Variants in NOD1 observed in about 807,000 individuals in gnomAD.
NOD1 encodes the protein nucleotide-binding oligomerization domain-containing protein 1.
In NOD1, 70 loss-of-function variants were observed where a neutral mutation model predicts 81.2. That is an observed-to-expected ratio of 0.86 (90% CI 0.71 to 1.05). The LOEUF (loss-of-function observed/expected upper bound fraction) is 1.05, where lower values mean the gene tolerates loss of function less well. Among genes scored for constraint, NOD1 ranks in the 50% least tolerant of loss-of-function variants. The pLI, the probability that NOD1 is intolerant of heterozygous loss-of-function variation, is 0.00. For synonymous variants in NOD1, 508 were observed against 526.9 expected, an observed-to-expected ratio of 0.96 and a Z score of 0.49; for missense variants, 1,233 against 1,228.0, an observed-to-expected ratio of 1.00 and a Z score of -0.06.
intron 8 of NOD1, 100 bp downstream of exon 8, chr7:30,446,867 C>T (rs1785148687): frequency 4.1e-6 from 4 of 968,198 alleles, no homozygotes; most frequent in Non-Finnish European, 6.3e-6. Flanking sequence ...AAGTGGAAGG[C>T]TTTAGGATGA....
At chr7:30,453,107 G>A (rs1785969616) in intron 5 of NOD1, 67 bp from the exon 6 acceptor site, 1 of 1,523,488 alleles carries the variant, frequency 6.6e-7, no homozygotes, top group Non-Finnish European at 8.9e-7. Context: ...CATCAAACAG[G>A]GAGGTCTCAA....
At chr7:30,438,159 C>T (rs941726524) in intron 9 of NOD1, among the ~76,000 whole-genome samples, 3 of 152,182 alleles carry the variant, frequency 2.0e-5, no homozygotes, top group Non-Finnish European at 4.4e-5. Context: ...CCATCAGCAA[C>T]GTTCCTGTCA....
rs5743342 is a variant in NOD1, at chr7:30,452,303, C to T, written c.1114G>A (p.Asp372Asn). The T allele has an allele frequency of 2.6e-3, 4,261 of 1,613,420 alleles. 51 individuals carry two copies. The African/African-American group carries it at 0.036, about 14-fold the overall frequency. The change falls in exon 6 of 14, where the codon GAC (aspartate) becomes AAC (asparagine). Residue 372 changes from aspartate (D) to asparagine (N), a missense_variant. By Grantham distance (23) the Asp-to-Asn change is conservative. Coordinates refer to ENST00000222823, the MANE Select transcript of NOD1 (RefSeq NM_006092.4). Reference sequence around the variant, plus strand: ...GCCTCCAGCTGGCTCAGCAGGCGGTCCTGCAGGGCCCGCTCGGGGAACATC... The same window carrying T: ...GCCTCCAGCTGGCTCAGCAGGCGGTTCTGCAGGGCCCGCTCGGGGAACATC... Reference protein sequence around the residue: ...RRMFPERALQDRLLSQLEANP... With the variant: ...RRMFPERALQNRLLSQLEANP...
chr7:30,438,512 C>G (rs565184498), intron 9 of NOD1, among the ~76,000 whole-genome samples: 1 of 152,210 alleles, frequency 6.6e-6, no homozygotes, highest in African/African-American at 2.4e-5. Flanking sequence ...CTAATAGGAT[C>G]AGCACACACT....
chr7:30,471,172 C>T (rs1788242243), intron 1 of NOD1, among the ~76,000 whole-genome samples: 1 of 151,508 alleles, frequency 6.6e-6, no homozygotes, highest in Non-Finnish European at 1.5e-5. Context: ...TGTCACAGAG[C>T]TAAGTGGGAG....
chr7:30,458,428 C>T (rs964263242), intron 3 of NOD1, among the ~76,000 whole-genome samples: 1 of 152,056 alleles, frequency 6.6e-6, no homozygotes, highest in Non-Finnish European at 1.5e-5. Context: ...TAACACTATC[C>T]ACATCATTAA....
At chr7:30,461,215 T>A (rs1787026237) in intron 1 of NOD1, among the ~76,000 whole-genome samples, 1 of 152,264 alleles carries the variant, frequency 6.6e-6, no homozygotes, top group Admixed American at 6.5e-5. Flanking sequence ...ACTCACTCTG[T>A]CGCCCAGGCT....
intron 1 of NOD1, among the ~76,000 whole-genome samples, chr7:30,476,812 G>A (rs768363258): frequency 1.3e-5 from 2 of 152,188 alleles, no homozygotes; most frequent in Non-Finnish European, 2.9e-5. Context: ...CTTAAAGCCC[G>A]CTAAGGCCCT....
At chr7:30,456,653 G>A in intron 4 of NOD1, 68 bp downstream of exon 4, 1 of 1,387,506 alleles carries the variant, frequency 7.2e-7, no homozygotes, top group South Asian at 1.2e-5. Flanking sequence ...ACTCAGATCA[G>A]CAGGGAGAGG....
intron 1 of NOD1, among the ~76,000 whole-genome samples, chr7:30,471,811 C>A (rs1788302354): frequency 6.6e-6 from 1 of 152,230 alleles, no homozygotes. Context: ...AAGGACTGGA[C>A]TCCACCCTAG....
chr7:30,448,184 T>C, intron 7 of NOD1, 114 bp downstream of exon 7: 2 of 866,156 alleles, frequency 2.3e-6, no homozygotes, highest in South Asian at 1.5e-5. Flanking sequence ...GCCAGCGCTC[T>C]TCCCAGCCCT....
At position 30,425,516 on chromosome 7, in the gene NOD1, G is replaced by C. The variant is rs577783219; in HGVS notation, c.*122C>G. On this transcript the variant is annotated 3_prime_UTR_variant, in exon 14 of 14. Coordinates refer to ENST00000222823, the MANE Select transcript of NOD1 (RefSeq NM_006092.4). Reference sequence around the variant, plus strand: ...GAAGCTGGCTTGCATCATGGAGGCAGTGGACTCCTGATAGTCCCGCCTGCG... The same window carrying C: ...GAAGCTGGCTTGCATCATGGAGGCACTGGACTCCTGATAGTCCCGCCTGCG... 1 of 738,406 alleles carries C rather than the reference G, an allele frequency of 1.4e-6. No individual in the cohort carries two copies. Among genetic ancestry groups the C allele is most frequent in the East Asian group, 2.6e-5 (1 of 39,180 alleles). 45.7% of individuals were successfully genotyped at this position (738,406 alleles called of 1,614,324 possible).
At chr7:30,448,732 G>A (rs567246414) in intron 6 of NOD1, among the ~76,000 whole-genome samples, 2 of 152,330 alleles carry the variant, frequency 1.3e-5, no homozygotes, top group South Asian at 2.1e-4. Context: ...TCGTATGGTG[G>A]AGGGCATGGG....
chr7:30,475,988 C>T (rs1230382158), intron 1 of NOD1: 1 of 152,018 alleles, frequency 6.6e-6, no homozygotes. Context: ...ACTGACTGTC[C>T]CTAGAAGATA....
intron 3 of NOD1, among the ~76,000 whole-genome samples, chr7:30,458,217 A>G (rs1378565289): frequency 6.6e-6 from 1 of 152,156 alleles, no homozygotes; most frequent in African/African-American, 2.4e-5. Context: ...GCAAAAAATA[A>G]TAATTTTTTA....
chr7:30,438,935 T>G (rs1784626837), intron 9 of NOD1, among the ~76,000 whole-genome samples: 1 of 152,232 alleles, frequency 6.6e-6, no homozygotes, highest in South Asian at 2.1e-4. Context: ...TTATTTTTCA[T>G]AGTTTCCAAA....
At chr7:30,446,116 C>G (rs201516813) in intron 9 of NOD1, 25 bp downstream of exon 9, 1 of 1,567,976 alleles carries the variant, frequency 6.4e-7, no homozygotes. Context: ...GGTTGTACCA[C>G]ATACATCCAT....
intron 6 of NOD1, among the ~76,000 whole-genome samples, chr7:30,449,571 G>A (rs1257661366): frequency 6.6e-6 from 1 of 152,194 alleles, no homozygotes; most frequent in African/African-American, 2.4e-5. Flanking sequence ...TGGGAAAGCC[G>A]GGTAGTGAGG....
At chr7:30,439,561 G>A (rs1459791943) in intron 9 of NOD1, among the ~76,000 whole-genome samples, 6 of 86,200 alleles carry the variant, frequency 7.0e-5, no homozygotes, top group Admixed American at 1.2e-4. Context: ...CTTAAGAAAC[G>A]GCGCACCACG....
Sources: allele counts gnomAD v4.1 joint callset (sites outside exome capture counted in the v4.1 genomes callset), GRCh38; gene constraint gnomAD v4.1.1; transcripts MANE v1.5; gene names NCBI Gene and HGNC (gene_info 2026-07-23, HGNC 2026-07-21).